ARHGAP44: variants seen among roughly 807,000 people sequenced by gnomAD.
The protein encoded by ARHGAP44 is rho GTPase-activating protein 44.
ARHGAP44 carries 43 observed loss-of-function variants against 106.8 expected under a neutral mutation model. The observed-to-expected ratio is 0.40, with a 90% CI of 0.32 to 0.52. ARHGAP44 has a LOEUF of 0.52. Ranked by LOEUF, ARHGAP44 falls within the 20% of genes least tolerant of loss-of-function variation. The pLI is 0.48. For missense variants in ARHGAP44, 866 were observed against 1,050.5 expected (o/e 0.82, Z 2.43); for synonymous variants, 439 against 410.3 (o/e 1.07, Z -0.85).
At chr17:12,821,828 T>C (rs1271515708) in intron 1 of ARHGAP44, among the ~76,000 whole-genome samples, 1 of 152,214 alleles carries the variant, frequency 6.6e-6, no homozygotes, top group Non-Finnish European at 1.5e-5. Context: ...CTCAGCTTTG[T>C]ATTATAGATC....
rs1290747678 is a variant in ARHGAP44, at chr17:12,987,122, G to A, written c.2317+2214G>A. 2.6e-6 allele frequency: 4 copies of A among 1,534,666 alleles called. No individual in the cohort carries two copies. In the East Asian group the frequency reaches 7.3e-5, roughly 28 times the overall value. ...GCAGCTGTGTGACATGAGTGGCGCA[G>A]TTTTGGATACGTGTGAGGGGGATTT... On this transcript the variant is annotated intron_variant, in intron 20 of 20. Transcript: ENST00000379672.
intron 1 of ARHGAP44, among the ~76,000 whole-genome samples, chr17:12,822,950 T>G (rs2034813730): frequency 6.6e-6 from 1 of 152,084 alleles, no homozygotes; most frequent in Admixed American, 6.6e-5. Context: ...GAAGATAGAT[T>G]TTGCTTTCTT....
chr17:12,823,672 A>G (rs868252698), intron 1 of ARHGAP44, among the ~76,000 whole-genome samples: 2 of 152,212 alleles, frequency 1.3e-5, no homozygotes, highest in Non-Finnish European at 1.5e-5. Flanking sequence ...AGTTTCCTCC[A>G]TCAACATTTG....
At chr17:12,859,950 T>G (rs771921379) in intron 1 of ARHGAP44, among the ~76,000 whole-genome samples, 7 of 152,142 alleles carry the variant, frequency 4.6e-5, no homozygotes, top group Non-Finnish European at 1.0e-4. Context: ...AAAAAAAATT[T>G]ACTATGAAGC....
chr17:12,881,431 C>G (rs2036733854), intron 1 of ARHGAP44, among the ~76,000 whole-genome samples: 1 of 151,964 alleles, frequency 6.6e-6, no homozygotes. Flanking sequence ...AGTCATGTCT[C>G]CTCTTCCTCT....
intron 16 of ARHGAP44, among the ~76,000 whole-genome samples, chr17:12,961,291 T>C (rs11078098): frequency 0.17 from 25,586 of 152,252 alleles, 2,521 homozygotes; most frequent in East Asian, 0.48. Flanking sequence ...GATAAAGCTC[T>C]CCTGCTTAAG....
chr17:12,890,095 G>T (rs1169118941), intron 1 of ARHGAP44, among the ~76,000 whole-genome samples: 2 of 152,102 alleles, frequency 1.3e-5, no homozygotes, highest in East Asian at 3.9e-4. Context: ...CAGTTCTGGG[G>T]TTTGGGGGCA....
intron 1 of ARHGAP44, among the ~76,000 whole-genome samples, chr17:12,825,994 C>T (rs972668039): frequency 6.6e-6 from 1 of 152,024 alleles, no homozygotes; most frequent in South Asian, 2.1e-4. Context: ...CCTTTGTGTT[C>T]GTTCTAAAAT....
chr17:12,853,062 G>T (rs191304827), intron 1 of ARHGAP44, among the ~76,000 whole-genome samples: 1 of 152,306 alleles, frequency 6.6e-6, no homozygotes, highest in African/African-American at 2.4e-5. Flanking sequence ...ATCACAAGGT[G>T]AAGTCCCACA....
At chr17:12,814,290 G>A (rs2034529955) in intron 1 of ARHGAP44, among the ~76,000 whole-genome samples, 1 of 145,808 alleles carries the variant, frequency 6.9e-6, no homozygotes, top group Middle Eastern at 3.3e-3. Context: ...ACCCAGGCTG[G>A]AGTGCAGTGG....
chr17:12,838,011 C>T (rs1481290273), intron 1 of ARHGAP44, among the ~76,000 whole-genome samples: 6 of 152,290 alleles, frequency 3.9e-5, no homozygotes, highest in Admixed American at 2.0e-4. Context: ...CATTTGGCTG[C>T]TCTTAGCCAG....
chr17:12,829,023 T>G (rs930071568), intron 1 of ARHGAP44, among the ~76,000 whole-genome samples: 2 of 152,178 alleles, frequency 1.3e-5, no homozygotes, highest in African/African-American at 4.8e-5. Flanking sequence ...CTTATATGGC[T>G]TAGGAATCAA....
At chr17:12,892,618 A>G (rs2037081282) in intron 1 of ARHGAP44, among the ~76,000 whole-genome samples, 2 of 152,132 alleles carry the variant, frequency 1.3e-5, no homozygotes, top group South Asian at 2.1e-4. Flanking sequence ...CTGATGACAT[A>G]AAATATTTGA....
chr17:12,975,727 G>A (rs2039660904), intron 18 of ARHGAP44, among the ~76,000 whole-genome samples: 1 of 150,700 alleles, frequency 6.6e-6, no homozygotes, highest in Admixed American at 6.6e-5. Flanking sequence ...GAACCCAGGA[G>A]GCGGAGCTTG....
chr17:12,823,518 A>G (rs1365947147), intron 1 of ARHGAP44, among the ~76,000 whole-genome samples: 4 of 151,850 alleles, frequency 2.6e-5, no homozygotes, highest in Non-Finnish European at 4.4e-5. Flanking sequence ...TTCTATTACC[A>G]TCTCTCTCCT....
chr17:12,847,582 C>G (rs569832586), intron 1 of ARHGAP44, among the ~76,000 whole-genome samples: 5 of 145,644 alleles, frequency 3.4e-5, no homozygotes, highest in East Asian at 2.1e-4. Flanking sequence ...GGTGCGATCT[C>G]GGCTCACTGC....
chr17:12,919,967 G>A (rs2038027013), intron 6 of ARHGAP44, 136 bp downstream of exon 6: 1 of 665,352 alleles, frequency 1.5e-6, no homozygotes, highest in South Asian at 1.9e-5. Flanking sequence ...AGGCACTGGA[G>A]GTAGTCACAG....
intron 2 of ARHGAP44, 57 bp downstream of exon 2, chr17:12,895,036 C>A: frequency 6.6e-7 from 1 of 1,524,336 alleles, no homozygotes; most frequent in Non-Finnish European, 8.9e-7. Flanking sequence ...GAGGCTGAGG[C>A]AGGAGAATTG....
intron 4 of ARHGAP44, 54 bp downstream of exon 4, chr17:12,909,027 G>A (rs561460447): frequency 3.1e-5 from 44 of 1,434,692 alleles, no homozygotes; most frequent in South Asian, 2.3e-4. Flanking sequence ...GTCCCCATCC[G>A]TGAAAAGGGG....
Sources: gnomAD v4.1 joint callset for allele counts (sites outside exome capture counted in the v4.1 genomes callset) on GRCh38, gnomAD v4.1.1 for gene constraint, MANE v1.5 for transcripts, NCBI Gene and HGNC (gene_info 2026-07-23, HGNC 2026-07-21) for gene names.